Variants in HEATR5B observed in about 807,000 individuals in gnomAD.
The protein encoded by HEATR5B is HEAT repeat-containing protein 5B.
A neutral mutation model predicts 224.1 loss-of-function variants in HEATR5B; 156 were observed. The ratio of observed to expected loss-of-function variants is 0.70; its 90% CI spans 0.61 to 0.80. The LOEUF is 0.80. HEATR5B is among the 30% of genes least tolerant of loss of function. The pLI, the probability that HEATR5B is intolerant of heterozygous loss-of-function variation, is 0.00. For synonymous variants in HEATR5B, 1,027 were observed against 893.0 expected, an observed-to-expected ratio of 1.15 and a Z score of -2.68; for missense variants, 2,323 against 2,535.5, an observed-to-expected ratio of 0.92 and a Z score of 1.80.
chr2:37,080,686 G>A (rs1337553685), intron 2 of HEATR5B, among the ~76,000 whole-genome samples: 4 of 151,768 alleles, frequency 2.6e-5, no homozygotes, highest in Non-Finnish European at 5.9e-5. Context: ...AGAAAGAGGT[G>A]GAGTAAACAT....
rs75443415 is a variant in HEATR5B, at chr2:36,998,452, C to T, written c.5545+2134G>A. ...GATTATCATGCTCTGCTGGTGAGAG[C>T]GTAAATTCATGTAGCTATGTTGGAG... On this transcript the variant is annotated intron_variant, in intron 33 of 35. Transcript: ENST00000233099. Among the ~76,000 whole-genome samples, 267 of 152,220 alleles carry T rather than the reference C, an allele frequency of 1.8e-3. 3 individuals carry two copies. The East Asian group carries it at 0.034, about 20-fold the overall frequency.
chr2:37,013,904 G>C lies in HEATR5B; in HGVS notation c.4221C>G (p.Ser1407Arg). The change falls in exon 27 of 36, where the codon AGC (serine) becomes AGG (arginine). Residue 1407 changes from serine to arginine, a missense_variant. Ser to Arg is a moderately radical substitution (Grantham distance 110). Transcript: ENST00000233099. ...TCGTGGCACTCTCTCGGTACAGCTG[G>C]CTGGAAGATCCTTTTCCAGCCTGAA... ...DKVQAGKGSS[S>R]QLYRESATTM... The C allele has an allele frequency of 6.2e-7, 1 of 1,612,948 alleles. No individual in the cohort carries two copies. The highest frequency in any genetic ancestry group is 8.5e-7 in the Non-Finnish European group (1 of 1,179,472).
In HEATR5B at chr2:36,983,941, G is replaced by C. The variant is rs1263334143; in HGVS notation, c.5912-2147C>G. Among the ~76,000 whole-genome samples the C allele has an allele frequency of 1.3e-5, 2 of 151,476 alleles. 1 individual carries two copies. The highest frequency in any genetic ancestry group is 1.3e-4 in the Admixed American group (2 of 15,220). ...AGGCCGGACGCAGTGGCTCATGCCT[G>C]TAATCTCAGCACTTTGGGAGGCTGA... On this transcript the variant is annotated intron_variant, in intron 35 of 35. Transcript: ENST00000233099.
chr2:37,015,754 G>A (rs1361831744), intron 26 of HEATR5B, among the ~76,000 whole-genome samples: 1 of 152,172 alleles, frequency 6.6e-6, no homozygotes, highest in Non-Finnish European at 1.5e-5. Flanking sequence ...GAGACTTGTG[G>A]AAAGATATTC....
At chr2:37,033,816 A>G (rs577134311) in intron 21 of HEATR5B, among the ~76,000 whole-genome samples, 25 of 152,328 alleles carry the variant, frequency 1.6e-4, no homozygotes, top group African/African-American at 6.0e-4. Context: ...TCACAGGAAT[A>G]TGGTGTAAAT....
intron 5 of HEATR5B, among the ~76,000 whole-genome samples, chr2:37,073,797 T>C (rs1558379088): frequency 1.3e-5 from 2 of 152,122 alleles, no homozygotes; most frequent in African/African-American, 2.4e-5. Context: ...AAACCTAGAC[T>C]GGGCAAAACA....
intron 3 of HEATR5B, 51 bp from the exon 4 acceptor site, chr2:37,077,070 T>C (rs755478562): frequency 2.2e-6 from 3 of 1,391,744 alleles, no homozygotes; most frequent in Admixed American, 3.9e-5. Flanking sequence ...ATGATACAAT[T>C]ATACTTTTCT....
intron 8 of HEATR5B, among the ~76,000 whole-genome samples, chr2:37,068,016 A>C (rs1671690569): frequency 6.6e-6 from 1 of 152,060 alleles, no homozygotes; most frequent in East Asian, 1.9e-4. Context: ...AAAAAACTAA[A>C]CTTTTAGAAT....
rs1308825328 is a variant in HEATR5B at position 36,981,301 on chromosome 2, C to T, written c.*189G>A. 1.5e-5 allele frequency: 7 copies of T among 454,864 alleles called. No individual in the cohort carries two copies. Among genetic ancestry groups the T allele is most frequent in the Non-Finnish European group, 2.7e-5 (7 of 259,980 alleles). 28.2% of individuals were successfully genotyped at this position (454,864 alleles called of 1,614,324 possible). A position where few individuals can be genotyped will look rare whatever the true frequency, so the allele number is the denominator to read the frequency against. On this transcript the variant is annotated 3_prime_UTR_variant, in exon 36 of 36. Transcript: ENST00000233099. ...GAGGAAAATGAAAACATATTCACCA[C>T]ATGATAAAAAAAATCACTCCTTAAA...
chr2:36,994,774 CAG>C (rs940537607), intron 33 of HEATR5B, among the ~76,000 whole-genome samples: 1 of 152,230 alleles, frequency 6.6e-6, no homozygotes, highest in South Asian at 2.1e-4. Flanking sequence ...TTTTTTGAGA[CAG>C]AGTGTCGCTC....
intron 35 of HEATR5B, among the ~76,000 whole-genome samples, 182 bp downstream of exon 35, chr2:36,988,464 G>A (rs9636429): frequency 0.21 from 31,631 of 151,938 alleles, 4,229 homozygotes; most frequent in East Asian, 0.63. Flanking sequence ...GTTTCACTAT[G>A]TTGGCCAGGA....
At chr2:37,029,936 A>AAAAAAAAT (rs368543715) in intron 22 of HEATR5B, among the ~76,000 whole-genome samples, 8 of 142,530 alleles carry the variant, frequency 5.6e-5, no homozygotes, top group Admixed American at 2.1e-4. Flanking sequence ...TCTATCTCAA[A>AAAAAAAAT]AAATAAATAA....
At chr2:36,984,215 A>AAAAAAAAAAAAAAAAAAAAATATATATAT in intron 35 of HEATR5B, among the ~76,000 whole-genome samples, 3 of 77,636 alleles carry the variant, frequency 3.9e-5, no homozygotes, top group Non-Finnish European at 4.6e-5. Context: ...AAAAAAAAAA[A>AAAAAAAAAAAAAAAAAAAAATATATATAT]ATATATATAT....
chr2:37,051,854 C>T (rs1484061960), intron 17 of HEATR5B, among the ~76,000 whole-genome samples: 1 of 152,096 alleles, frequency 6.6e-6, no homozygotes, highest in African/African-American at 2.4e-5. Context: ...ATTCTCCTGC[C>T]TCAGCCTCCC....
rs772765602 is a variant in HEATR5B at position 37,000,653 on chromosome 2, G to A, written c.5478C>T (p.Gly1826=). ...VTLSMAKTEA[G]VQKQWTALIR... ...TCAGAGCTGTCCACTGTTTTTGAAC[G>A]CCAGCCTCAGTTTTGGCCATTGAAA... is the stretch of plus-strand genomic sequence containing the variant. The change falls in exon 33 of 36, where the codon GGC becomes GGT. Residue 1826 remains glycine, a synonymous_variant. Coordinates refer to ENST00000233099, the MANE Select transcript of HEATR5B (RefSeq NM_019024.3). 39 of 1,614,056 alleles carry A rather than the reference G, an allele frequency of 2.4e-5. No individual in the cohort carries two copies. The highest frequency in any genetic ancestry group is 1.6e-4 in the Middle Eastern group (1 of 6,084).
intron 24 of HEATR5B, 125 bp from the exon 25 acceptor site, chr2:37,020,961 T>C (rs907939595): frequency 1.9e-5 from 11 of 591,432 alleles, no homozygotes; most frequent in Admixed American, 3.6e-5. Flanking sequence ...ACTTTGAAAA[T>C]AGCAAAGATA....
chr2:37,012,042 C>T (rs570190773), intron 27 of HEATR5B, among the ~76,000 whole-genome samples: 2 of 152,160 alleles, frequency 1.3e-5, no homozygotes, highest in Admixed American at 1.3e-4. Context: ...AATTTTTAGG[C>T]TTATTTTTCT....
chr2:36,993,996 G>T (rs145679182), intron 33 of HEATR5B, among the ~76,000 whole-genome samples: 3 of 152,066 alleles, frequency 2.0e-5, no homozygotes, highest in African/African-American at 7.2e-5. Context: ...GCTCTATGAC[G>T]GTTATTATTA....
At chr2:36,988,606 T>A (rs1666106163) in intron 35 of HEATR5B, 40 bp downstream of exon 35, 6 of 1,507,854 alleles carry the variant, frequency 4.0e-6, no homozygotes, top group Non-Finnish European at 5.5e-6. Context: ...AATACAGATC[T>A]TCATTCTGAA....
Sources: gnomAD v4.1 joint callset for allele counts (sites outside exome capture counted in the v4.1 genomes callset) on GRCh38, gnomAD v4.1.1 for gene constraint, MANE v1.5 for transcripts, NCBI Gene and HGNC (gene_info 2026-07-23, HGNC 2026-07-21) for gene names.